TNS1: variants seen among roughly 807,000 people sequenced by gnomAD.
TNS1 encodes tensin-1.
TNS1 carries 62 observed loss-of-function variants against 168.6 expected under a neutral mutation model. The observed-to-expected ratio is 0.37, with a 90% CI of 0.30 to 0.45. The LOEUF (loss-of-function observed/expected upper bound fraction) is 0.45. TNS1 is among the 20% of genes least tolerant of loss of function. The pLI is 1.00. For missense variants in TNS1, 2,240 were observed against 2,339.4 expected, an observed-to-expected ratio of 0.96 and a Z score of 0.88; for synonymous variants, 934 against 933.2, an observed-to-expected ratio of 1.00 and a Z score of -0.02.
rs1372007738 is a variant in TNS1 at position 217,808,204 on chromosome 2, G to A, written c.5343-97C>T. The A allele has an allele frequency of 1.4e-5, 20 of 1,454,678 alleles. No homozygotes were observed. The African/African-American group carries it at 2.7e-4, about 19-fold the overall frequency. 90.1% of individuals were successfully genotyped at this position (1,454,678 alleles called of 1,614,324 possible). A position where few individuals can be genotyped will look rare whatever the true frequency, so the allele number is the denominator to read the frequency against. On this transcript the variant is annotated intron_variant, in intron 31 of 32. Coordinates refer to ENST00000682258, the MANE Select transcript of TNS1 (RefSeq NM_001387777.1). ...GACCCTCTGCAGGAAGGTCTGGGGAGAGGAGCTGCCCCCCATTCCCCCCTC... is the reference window on the plus strand; with the variant it reads ...GACCCTCTGCAGGAAGGTCTGGGGAAAGGAGCTGCCCCCCATTCCCCCCTC...
chr2:217,805,612 C>T (rs141052659), intron 32 of TNS1, among the ~76,000 whole-genome samples: 1 of 44,176 alleles, frequency 2.3e-5, no homozygotes, highest in African/African-American at 6.8e-5. Context: ...CCACACACAC[C>T]ACACACATAC....
At position 218,026,382 on chromosome 2, in the gene TNS1, G is replaced by C. The variant is rs573917208; in HGVS notation, c.156+7438C>G. On this transcript the variant is annotated intron_variant, in intron 1 of 1. Transcript: ENST00000649572. ...GGTAGAAAAGTGACTTGAGGCTCCC[G>C]AGGAGTGGACGAGACAGACTCACAA... is the stretch of plus-strand genomic sequence containing the variant. 9.1e-3 allele frequency among the ~76,000 whole-genome samples: 1,391 copies of C among 152,262 alleles called. 12 individuals carry two copies. The highest frequency in any genetic ancestry group is 0.016 in the Non-Finnish European group (1,073 of 68,012).
chr2:217,880,997 T>C lies in TNS1; in HGVS notation c.1330A>G (p.Asn444Asp). The change falls in exon 18 of 33, where the codon AAC becomes GAC. Residue 444 changes from asparagine (N) to aspartate (D), a missense_variant. Asn to Asp is a conservative substitution (Grantham distance 23). This residue lies in a region of TNS1 where 2,131 missense variants were observed against 2,171.2 expected (regional missense o/e 0.98). Coordinates refer to ENST00000682258, the MANE Select transcript of TNS1 (RefSeq NM_001387777.1). This position sits in a 1 kb window ranked among gnomAD's most constrained non-coding sequence, Gnocchi z 4.2. The stretch of plus-strand genomic sequence containing the variant: ...TAGTCCACAGACACGCTCGGCCCGT[T>C]CTCCAGGTGCTCCATGCCTAAGTGG... Reference protein sequence around the residue: ...EKIQGMEHLENGPSVSVDYNT... With the variant: ...EKIQGMEHLEDGPSVSVDYNT... 1 of 1,613,914 alleles carries C rather than the reference T, an allele frequency of 6.2e-7. No homozygotes were observed. Among genetic ancestry groups the C allele is most frequent in the Non-Finnish European group, 8.5e-7 (1 of 1,179,912 alleles).
chr2:217,891,703 C>A lies in TNS1; in HGVS notation c.783-658G>T, dbSNP rs115737710. Reference sequence around the variant, plus strand: ...CAAACCCCAAAGTCCTCAGTGAGGCCGCGAGGCCCCATGGCTCTGCCACCT... The same window carrying A: ...CAAACCCCAAAGTCCTCAGTGAGGCAGCGAGGCCCCATGGCTCTGCCACCT... On this transcript the variant is annotated intron_variant, in intron 11 of 32. Coordinates refer to ENST00000682258, the MANE Select transcript of TNS1 (RefSeq NM_001387777.1). Among the ~76,000 whole-genome samples, 40 of 152,336 alleles carry A rather than the reference C, an allele frequency of 2.6e-4. 1 individual carries two copies. Among genetic ancestry groups the A allele is most frequent in the Middle Eastern group, 3.4e-3 (1 of 294 alleles).
chr2:217,899,278 G>A (rs77054147), intron 7 of TNS1, among the ~76,000 whole-genome samples: 6,801 of 152,246 alleles, frequency 0.045, 485 homozygotes, highest in African/African-American at 0.15. Flanking sequence ...TAAGGAGCCC[G>A]GTTTGAGTTT....
At chr2:217,963,309 G>A (rs982028261) in intron 3 of TNS1, among the ~76,000 whole-genome samples, 23 of 152,164 alleles carry the variant, frequency 1.5e-4, no homozygotes, top group African/African-American at 4.1e-4. Context: ...GCTCCGGCAC[G>A]GGGTCATCAC....
chr2:217,840,612 C>A (rs1435105499), intron 19 of TNS1, among the ~76,000 whole-genome samples: 2 of 152,246 alleles, frequency 1.3e-5, no homozygotes, highest in African/African-American at 2.4e-5. Flanking sequence ...AGGGGGTACG[C>A]TGTCCCCAGG....
At chr2:217,851,704 A>G (rs1947523488) in intron 18 of TNS1, among the ~76,000 whole-genome samples, 1 of 152,190 alleles carries the variant, frequency 6.6e-6, no homozygotes, top group Non-Finnish European at 1.5e-5. Flanking sequence ...CTAGACCCCT[A>G]AAGGCTGCTA....
chr2:217,843,701 C>G (rs1946282254), intron 19 of TNS1, among the ~76,000 whole-genome samples: 2 of 152,138 alleles, frequency 1.3e-5, no homozygotes, highest in African/African-American at 2.4e-5. Flanking sequence ...TCCTTGAAAC[C>G]CTTTACCATC....
chr2:217,993,227 G>A lies in TNS1; in HGVS notation c.34-2171C>T, dbSNP rs139768133. 6.7e-3 allele frequency among the ~76,000 whole-genome samples: 1,020 copies of A among 152,232 alleles called. 15 individuals carry two copies. The highest frequency in any genetic ancestry group is 0.023 in the African/African-American group (936 of 41,528). ...CCCCCAACAACACATTTCTCAGAAG[G>A]TATCCCCATTGTTAAGTGACTCATG... On this transcript the variant is annotated intron_variant, in intron 1 of 32. Transcript: ENST00000682258.
At chr2:217,998,988 G>A (rs956895454) in intron 1 of TNS1, among the ~76,000 whole-genome samples, 23 of 152,136 alleles carry the variant, frequency 1.5e-4, no homozygotes, top group African/African-American at 2.9e-4. Context: ...ATAATAATCC[G>A]TGAAAAGGAT....
rs1349945701 is a variant in TNS1, at chr2:217,847,640, T to C, written c.2877A>G (p.Gln959=). 2 of 1,577,576 alleles carry C rather than the reference T, an allele frequency of 1.3e-6. No homozygotes were observed. The highest frequency in any genetic ancestry group is 1.7e-6 in the Non-Finnish European group (2 of 1,153,222). Residue 959 remains glutamine, a synonymous_variant, in exon 19 of 33, where the codon CAA becomes CAG. Coordinates refer to ENST00000682258, the MANE Select transcript of TNS1 (RefSeq NM_001387777.1). Reference sequence around the variant, plus strand: ...TGAGGCCAGGGAGAGAGGCTGGGGGTTGCTGAGGCCCTGGAGGGCTGTGGG... The same window carrying C: ...TGAGGCCAGGGAGAGAGGCTGGGGGCTGCTGAGGCCCTGGAGGGCTGTGGG... ...PTTHSPPGPQ[Q]PPASLPGLTA...
chr2:217,833,877 A>G (rs1944811253), intron 21 of TNS1, among the ~76,000 whole-genome samples: 1 of 152,272 alleles, frequency 6.6e-6, no homozygotes, highest in Non-Finnish European at 1.5e-5. Context: ...AAAACATATT[A>G]AAATGAATTT....
Position 217,897,887 on chromosome 2 carries a change from A to T in TNS1, c.454T>A (p.Phe152Ile). 1 of 1,613,754 alleles carries T rather than the reference A, an allele frequency of 6.2e-7. No individual in the cohort carries two copies. Residue 152 changes from phenylalanine (F) to isoleucine (I), a missense_variant, in exon 8 of 33, where the codon TTC becomes ATC. By Grantham distance (21) the Phe-to-Ile change is conservative. Around this residue, in one of 2 missense-constraint regions of TNS1, gnomAD observed 2,131 missense variants for 2,171.2 expected, o/e 0.98. Transcript: ENST00000682258. ...YVTERIIAVS[F>I]PSTANEENFR... ...TTCTCCTCATTGGCTGTGCTGGGGA[A>T]GGAGACAGCGATGATCCTCTCTGTG... is the stretch of plus-strand genomic sequence containing the variant.
At position 217,818,269 on chromosome 2, in the gene TNS1, C is replaced by A; in HGVS notation, c.4063G>T (p.Ala1355Ser). The change falls in exon 24 of 33, where the codon GCA (alanine) becomes TCA (serine). Residue 1355 changes from alanine (A) to serine (S), a missense_variant. This residue lies in a region of TNS1 where 2,131 missense variants were observed against 2,171.2 expected (regional missense o/e 0.98). Transcript: ENST00000682258. ...PGSPSLCRHP[A>S]GVYQVSGLHN... The stretch of plus-strand genomic sequence containing the variant: ...AGGCCAGAAACCTGGTAGACCCCTG[C>A]TGGGTGCCGACACAGGCTGGGGCTC... The A allele has an allele frequency of 5.6e-6, 9 of 1,613,674 alleles. No individual in the cohort carries two copies. Among genetic ancestry groups the A allele is most frequent in the Non-Finnish European group, 7.6e-6 (9 of 1,179,768 alleles).
At chr2:217,962,824 C>A (rs1957532250) in intron 3 of TNS1, among the ~76,000 whole-genome samples, 1 of 152,070 alleles carries the variant, frequency 6.6e-6, no homozygotes. Context: ...ACACGATGAC[C>A]ACATGCAATG....
Position 217,893,443 on chromosome 2 carries a change from T to C in TNS1, c.713A>G (p.Asn238Ser). Residue 238 changes from asparagine to serine, a missense_variant, in exon 10 of 33, where the codon AAC becomes AGC. Asn to Ser is a conservative substitution (Grantham distance 46, BLOSUM62 1). Around this residue, in one of 2 missense-constraint regions of TNS1, gnomAD observed 2,131 missense variants for 2,171.2 expected, o/e 0.98. Transcript: ENST00000682258. Reference protein sequence around the residue: ...ADPHNVVVLHNKGNRGRIGVV... With the variant: ...ADPHNVVVLHSKGNRGRIGVV... ...ACACACACACACAGCTCTGACCTTGTTGTGTAGAACAACGACATTGTGAGG... is the reference window on the plus strand; with the variant it reads ...ACACACACACACAGCTCTGACCTTGCTGTGTAGAACAACGACATTGTGAGG... 3 of 1,602,894 alleles carry C rather than the reference T, an allele frequency of 1.9e-6. No individual in the cohort carries two copies. Among genetic ancestry groups the C allele is most frequent in the Non-Finnish European group, 2.6e-6 (3 of 1,172,808 alleles).
At chr2:217,973,367 G>GAAAA (rs58463140) in intron 3 of TNS1, among the ~76,000 whole-genome samples, 3 of 93,576 alleles carry the variant, frequency 3.2e-5, no homozygotes, top group African/African-American at 8.1e-5. Flanking sequence ...TCCTGTCTCT[G>GAAAA]AAAAAAAAAA....
intron 19 of TNS1, among the ~76,000 whole-genome samples, chr2:217,842,852 G>C (rs1226498810): frequency 6.6e-6 from 1 of 152,026 alleles, no homozygotes; most frequent in Non-Finnish European, 1.5e-5. Flanking sequence ...TGCTCCATGG[G>C]GCTCATCTCT....
Sources: gnomAD v4.1 joint callset for allele counts (sites outside exome capture counted in the v4.1 genomes callset) on GRCh38, gnomAD v4.1.1 for gene constraint, gnomAD v4.1.1 regional missense constraint, Gnocchi (gnomAD v3.1) non-coding constraint, MANE v1.5 for transcripts, NCBI Gene and HGNC (gene_info 2026-07-23, HGNC 2026-07-21) for gene names.